NAV3: variants seen among roughly 807,000 people sequenced by gnomAD.
NAV3 encodes the protein pore membrane and/or filament interacting like protein 1.
Under a neutral mutation model 244.7 loss-of-function variants are expected in NAV3, and 87 were observed. The observed-to-expected ratio is 0.36, with a 90% CI of 0.30 to 0.42. NAV3 has a LOEUF of 0.42. Among genes scored for constraint, NAV3 ranks in the 20% least tolerant of loss-of-function variants. The pLI is 1.00. For missense variants in NAV3, 2,663 were observed against 2,893.3 expected, an observed-to-expected ratio of 0.92 and a Z score of 1.83; for synonymous variants, 1,126 against 1,042.2, an observed-to-expected ratio of 1.08 and a Z score of -1.55.
intron 2 of NAV3, among the ~76,000 whole-genome samples, chr12:77,651,657 G>A (rs1189231705): frequency 6.6e-6 from 1 of 152,098 alleles, no homozygotes; most frequent in Non-Finnish European, 1.5e-5. Flanking sequence ...GGCTAGAATT[G>A]GAATTTTAGC....
chr12:77,706,128 G>T (rs571025280), intron 2 of NAV3, among the ~76,000 whole-genome samples: 1 of 151,256 alleles, frequency 6.6e-6, no homozygotes, highest in Non-Finnish European at 1.5e-5. Flanking sequence ...ATTAAAAAAA[G>T]ATTTTTGGTA....
intron 12 of NAV3, among the ~76,000 whole-genome samples, chr12:78,063,398 G>T (rs2137483867): frequency 6.6e-6 from 1 of 152,192 alleles, no homozygotes; most frequent in East Asian, 1.9e-4. Flanking sequence ...GTACATTTTT[G>T]GGGACTGCAG....
intron 31 of NAV3, among the ~76,000 whole-genome samples, chr12:78,187,923 G>A (rs1400576618): frequency 6.6e-6 from 1 of 151,892 alleles, no homozygotes; most frequent in African/African-American, 2.4e-5. Context: ...GCATTATAAT[G>A]CAAGAGTATT....
chr12:77,825,915 A>C (rs1197559230), upstream of NAV3, among the ~76,000 whole-genome samples: 2 of 152,208 alleles, frequency 1.3e-5, no homozygotes, highest in African/African-American at 4.8e-5. Flanking sequence ...AATGACAAGC[A>C]CACACATGAA....
At chr12:77,720,691 C>A (rs950042502) in intron 2 of NAV3, among the ~76,000 whole-genome samples, 6 of 152,104 alleles carry the variant, frequency 3.9e-5, no homozygotes. Flanking sequence ...CCACTTGTTC[C>A]ATGTGGAGCC....
intron 2 of NAV3, among the ~76,000 whole-genome samples, chr12:77,701,446 C>T (rs1240505253): frequency 6.6e-6 from 1 of 151,710 alleles, no homozygotes; most frequent in African/African-American, 2.4e-5. Context: ...ATCAGTCTTG[C>T]TAGAGGTTTA....
intron 9 of NAV3, among the ~76,000 whole-genome samples, chr12:78,040,062 C>G (rs763184098): frequency 5.3e-5 from 8 of 152,188 alleles, no homozygotes; most frequent in Non-Finnish European, 1.2e-4. Context: ...TATATTTAGA[C>G]TTTGCAATTG....
Position 78,210,675 on chromosome 12 carries a change from C to T in NAV3, c.*158C>T, listed in dbSNP as rs945832604. ...AGGCAGCAGAACTAAGTCTGAACCG[C>T]CAAGATGCTAAATTGCAATGGAAGC... On this transcript the variant is annotated 3_prime_UTR_variant, in exon 40 of 40. Transcript: ENST00000397909. The T allele has an allele frequency of 2.6e-6, 2 of 756,958 alleles. No individual in the cohort carries two copies. The highest frequency in any genetic ancestry group is 3.0e-5 in the Admixed American group (1 of 32,870). The allele number at this position is 756,958 out of a possible 1,614,324, so 46.9% of individuals were successfully genotyped here.
chr12:77,593,363 C>A (rs1188326704), intron 2 of NAV3, among the ~76,000 whole-genome samples: 1 of 151,658 alleles, frequency 6.6e-6, no homozygotes, highest in Non-Finnish European at 1.5e-5. Flanking sequence ...ACATTTGCCT[C>A]TTCTCTCTCC....
intron 18 of NAV3, among the ~76,000 whole-genome samples, chr12:78,132,834 GTCTTT>G (rs1223832795): frequency 1.3e-5 from 2 of 152,042 alleles, no homozygotes; most frequent in African/African-American, 2.4e-5. Flanking sequence ...TGAAATCAAA[GTCTTT>G]TCTTAAGTTC....
chr12:77,579,163 G>A (rs1025687136), intron 2 of NAV3, among the ~76,000 whole-genome samples: 5 of 152,182 alleles, frequency 3.3e-5, no homozygotes, highest in African/African-American at 1.2e-4. Flanking sequence ...AGGTCCAAAA[G>A]CCAAATCTGG....
intron 35 of NAV3, among the ~76,000 whole-genome samples, chr12:78,198,161 T>A (rs1465776423): frequency 6.6e-6 from 1 of 151,920 alleles, no homozygotes; most frequent in Non-Finnish European, 1.5e-5. Flanking sequence ...TAGAGATTTT[T>A]GGAAGTTACA....
At chr12:78,064,738 A>T (rs531420731) in intron 12 of NAV3, among the ~76,000 whole-genome samples, 39 of 152,242 alleles carry the variant, frequency 2.6e-4, no homozygotes, top group African/African-American at 9.4e-4. Context: ...TTAAAGTATT[A>T]GTATGTATAA....
At chr12:78,010,903 G>A (rs1737532975) in intron 8 of NAV3, 1 of 151,760 alleles carries the variant, frequency 6.6e-6, no homozygotes, top group South Asian at 2.1e-4. Flanking sequence ...TCACACACTG[G>A]GTGTTCAGAG....
intron 1 of NAV3, among the ~76,000 whole-genome samples, chr12:77,914,660 A>G (rs1886949641): frequency 6.6e-6 from 1 of 151,972 alleles, no homozygotes; most frequent in Admixed American, 6.6e-5. Flanking sequence ...GTGACAATAC[A>G]TGTAGTTTTG....
chr12:77,660,806 T>G lies in NAV3; in HGVS notation c.72+88540T>G, dbSNP rs143795664. Among the ~76,000 whole-genome samples the G allele has an allele frequency of 2.4e-3, 372 of 152,278 alleles. 5 individuals are homozygous for G. The highest frequency in any genetic ancestry group is 8.3e-3 in the African/African-American group (346 of 41,568). ...TGGAACTAGCTTTGTCTCTATAGTT[T>G]TGCCTTTCCTATAAATATTGTAAAA... On this transcript the variant is annotated intron_variant, in intron 2 of 8. Coordinates refer to the NAV3 transcript ENST00000550042.
intron 2 of NAV3, among the ~76,000 whole-genome samples, chr12:77,702,810 A>G (rs1194840005): frequency 1.4e-5 from 2 of 143,344 alleles, no homozygotes; most frequent in African/African-American, 5.0e-5. Context: ...CAAATAAGTT[A>G]ATAGAAGAAA....
At chr12:78,118,680 C>T (rs1184145076) in intron 14 of NAV3, among the ~76,000 whole-genome samples, 4 of 152,164 alleles carry the variant, frequency 2.6e-5, no homozygotes, top group African/African-American at 9.7e-5. Flanking sequence ...AATTGCACTA[C>T]AGACTCTGAG....
intron 1 of NAV3, among the ~76,000 whole-genome samples, chr12:77,844,477 T>G (rs1222721641): frequency 6.6e-6 from 1 of 152,212 alleles, no homozygotes; most frequent in African/African-American, 2.4e-5. Context: ...AGCTAATATT[T>G]GGTCAGGAGA....
Sources: gnomAD v4.1 joint callset for allele counts (sites outside exome capture counted in the v4.1 genomes callset) on GRCh38, gnomAD v4.1.1 for gene constraint, MANE v1.5 for transcripts, NCBI Gene and HGNC (gene_info 2026-07-23, HGNC 2026-07-21) for gene names.